The following SYN3 variants were observed in gnomAD, a reference collection of about 807,000 sequenced individuals.
SYN3 encodes synapsin-3.
SYN3 carries 35 observed loss-of-function variants against 65.8 expected under a neutral mutation model. That is an observed-to-expected ratio of 0.53 (90% CI 0.41 to 0.70). SYN3 has a LOEUF of 0.70. Among genes scored for constraint, SYN3 ranks in the 30% least tolerant of loss-of-function variants. The pLI, the probability that SYN3 is intolerant of heterozygous loss-of-function variation, is 0.00. For synonymous variants in SYN3, 270 were observed against 292.9 expected, an observed-to-expected ratio of 0.92 and a Z score of 0.80; for missense variants, 680 against 749.0, an observed-to-expected ratio of 0.91 and a Z score of 1.08.
intron 7 of SYN3, among the ~76,000 whole-genome samples, chr22:32,585,956 GTGTA>G (rs1569065012): frequency 3.4e-5 from 2 of 58,866 alleles, no homozygotes; most frequent in African/African-American, 5.7e-5. Flanking sequence ...ATACATATAT[GTGTA>G]TATACGTATA....
chr22:33,002,854 C>T (rs2053100233), intron 2 of SYN3, among the ~76,000 whole-genome samples: 1 of 152,114 alleles, frequency 6.6e-6, no homozygotes, highest in Admixed American at 6.5e-5. Context: ...TGACTGTGTA[C>T]TCACCCAAAT....
chr22:32,766,329 T>C (rs1172336699), intron 6 of SYN3, among the ~76,000 whole-genome samples: 1 of 152,208 alleles, frequency 6.6e-6, no homozygotes, highest in Admixed American at 6.5e-5. Context: ...AAGAAACATG[T>C]ACAATTTTCT....
At chr22:32,858,489 G>A (rs1434956167) in intron 6 of SYN3, among the ~76,000 whole-genome samples, 1 of 152,124 alleles carries the variant, frequency 6.6e-6, no homozygotes, top group Non-Finnish European at 1.5e-5. Flanking sequence ...GGTTTCAAGT[G>A]GGCTCACCCT....
At chr22:32,586,038 GTATA>G (rs1555902107) in intron 7 of SYN3, among the ~76,000 whole-genome samples, 21 of 103,190 alleles carry the variant, frequency 2.0e-4, no homozygotes, top group Admixed American at 8.7e-4. Flanking sequence ...ATGTATATAT[GTATA>G]TGTATATATG....
intron 6 of SYN3, among the ~76,000 whole-genome samples, chr22:32,648,882 C>T (rs1176599748): frequency 6.6e-6 from 1 of 152,206 alleles, no homozygotes; most frequent in East Asian, 1.9e-4. Flanking sequence ...CCACTCATAC[C>T]AATGAATGTG....
At chr22:32,606,469 T>G (rs2059373844) in intron 6 of SYN3, among the ~76,000 whole-genome samples, 1 of 152,216 alleles carries the variant, frequency 6.6e-6, no homozygotes, top group Non-Finnish European at 1.5e-5. Context: ...ACAGACAAGA[T>G]GACCTTTGCA....
intron 4 of SYN3, among the ~76,000 whole-genome samples, chr22:32,909,290 G>A (rs2049985604): frequency 6.6e-6 from 1 of 152,158 alleles, no homozygotes; most frequent in Non-Finnish European, 1.5e-5. Flanking sequence ...GTGGTTAAAG[G>A]CAGGTTAAAT....
intron 6 of SYN3, among the ~76,000 whole-genome samples, chr22:32,771,961 G>A (rs886152187): frequency 2.6e-5 from 4 of 152,114 alleles, no homozygotes; most frequent in African/African-American, 9.7e-5. Flanking sequence ...TGAGGGTTGG[G>A]GAGCACAGCC....
chr22:32,914,438 GTTTT>G (rs137545), intron 4 of SYN3, among the ~76,000 whole-genome samples: 1 of 119,604 alleles, frequency 8.4e-6, no homozygotes. Flanking sequence ...ATCATGTGGA[GTTTT>G]TTTTTTTTTT....
At chr22:32,728,960 T>A (rs552110572) in intron 6 of SYN3, among the ~76,000 whole-genome samples, 1 of 152,278 alleles carries the variant, frequency 6.6e-6, no homozygotes, top group South Asian at 2.1e-4. Context: ...TCTGCATGCC[T>A]GGGAACTGAC....
rs1054932 is a variant in SYN3 at position 32,513,661 on chromosome 22, G to A, written c.*31C>T. 2 of 1,611,682 alleles carry A rather than the reference G, an allele frequency of 1.2e-6. No homozygotes were observed. Among genetic ancestry groups the A allele is most frequent in the East Asian group, 2.2e-5 (1 of 44,844 alleles). On this transcript the variant is annotated 3_prime_UTR_variant, in exon 14 of 14. Coordinates refer to ENST00000358763, the MANE Select transcript of SYN3 (RefSeq NM_003490.4). Reference sequence around the variant, plus strand: ...AGGCAGGAGGGGGACGAGTGTAGCAGAGCACTCTTCCCCTCCCAGCCTGGA... The same window carrying A: ...AGGCAGGAGGGGGACGAGTGTAGCAAAGCACTCTTCCCCTCCCAGCCTGGA...
At chr22:32,780,409 G>A (rs555589806) in intron 6 of SYN3, among the ~76,000 whole-genome samples, 13 of 152,280 alleles carry the variant, frequency 8.5e-5, no homozygotes, top group Admixed American at 2.6e-4. Context: ...AAACCAGAGG[G>A]CCTCTGTGCA....
intron 4 of SYN3, among the ~76,000 whole-genome samples, chr22:32,918,613 T>C (rs1005662): frequency 0.058 from 8,866 of 152,212 alleles, 837 homozygotes; most frequent in African/African-American, 0.2. Flanking sequence ...AAATGCATAG[T>C]TGGGCCTAGA....
intron 1 of SYN3, among the ~76,000 whole-genome samples, chr22:33,023,605 A>G (rs114140922): frequency 6.6e-6 from 1 of 152,084 alleles, no homozygotes; most frequent in Non-Finnish European, 1.5e-5. Context: ...GGTCGCAGCA[A>G]CTCAGGAGGC....
Position 32,509,766 on chromosome 22 carries a change from C to T in SYN3, c.*3926G>A, listed in dbSNP as rs2057671909. On this transcript the variant is annotated 3_prime_UTR_variant, in exon 14 of 14. Coordinates refer to ENST00000358763, the MANE Select transcript of SYN3 (RefSeq NM_003490.4). ...TATATTTTTAGTAGAGATGGGGTTTCACCGTGTTAGCCAGGATGGTCTCGA... is the reference window on the plus strand; with the variant it reads ...TATATTTTTAGTAGAGATGGGGTTTTACCGTGTTAGCCAGGATGGTCTCGA... Among the ~76,000 whole-genome samples the T allele has an allele frequency of 6.6e-6, 1 of 152,072 alleles. No homozygotes were observed. The highest frequency in any genetic ancestry group is 1.5e-5 in the Non-Finnish European group (1 of 68,034).
intron 4 of SYN3, among the ~76,000 whole-genome samples, chr22:32,883,141 T>C (rs1334126443): frequency 1.3e-5 from 2 of 152,086 alleles, no homozygotes; most frequent in African/African-American, 4.8e-5. Context: ...GGGGCCCCCA[T>C]GGGTGAGTAT....
intron 6 of SYN3, among the ~76,000 whole-genome samples, chr22:32,724,040 C>T (rs935561581): frequency 2.0e-5 from 3 of 152,078 alleles, no homozygotes; most frequent in Non-Finnish European, 2.9e-5. Context: ...CAAACCTGCT[C>T]CTTTCTATGC....
chr22:32,779,499 T>C (rs1159793584), intron 6 of SYN3, among the ~76,000 whole-genome samples: 1 of 152,036 alleles, frequency 6.6e-6, no homozygotes, highest in East Asian at 1.9e-4. Flanking sequence ...GAAGCAACCA[T>C]ACAAGAGACA....
chr22:32,646,051 G>A (rs970724569), intron 6 of SYN3, among the ~76,000 whole-genome samples: 5 of 152,190 alleles, frequency 3.3e-5, no homozygotes, highest in African/African-American at 1.2e-4. Flanking sequence ...GGACCCTAGA[G>A]TGGAAGTGGC....
Sources: allele counts gnomAD v4.1 joint callset (sites outside exome capture counted in the v4.1 genomes callset), GRCh38; gene constraint gnomAD v4.1.1; transcripts MANE v1.5; gene names NCBI Gene and HGNC (gene_info 2026-07-23, HGNC 2026-07-21).